The following PTH2R variants were observed in gnomAD, a reference collection of about 807,000 sequenced individuals.
PTH2R encodes parathyroid hormone 2 receptor.
In PTH2R, 59 loss-of-function variants were observed where a neutral mutation model predicts 60.3. That is an observed-to-expected ratio of 0.98 (90% confidence interval 0.79 to 1.22). The LOEUF (loss-of-function observed/expected upper bound fraction) is 1.22. Ranked by LOEUF, PTH2R falls within the 50% of genes most tolerant of loss-of-function variation. PTH2R has a pLI of 0.00. For synonymous variants in PTH2R, 256 were observed against 243.8 expected, an observed-to-expected ratio of 1.05 and a Z score of -0.47; for missense variants, 749 against 682.6, an observed-to-expected ratio of 1.10 and a Z score of -1.08.
intron 9 of PTH2R, among the ~76,000 whole-genome samples, chr2:208,469,077 G>A (rs1296873554): frequency 2.0e-5 from 3 of 152,164 alleles, no homozygotes; most frequent in Admixed American, 6.5e-5. Flanking sequence ...TAGGTCACAC[G>A]ACTAGTATGA....
chr2:208,405,937 C>T (rs115298851), upstream of PTH2R, among the ~76,000 whole-genome samples: 1 of 152,196 alleles, frequency 6.6e-6, no homozygotes, highest in Non-Finnish European at 1.5e-5. Context: ...GCACTTTGAT[C>T]TTGGACTTCC....
intron 1 of PTH2R, among the ~76,000 whole-genome samples, chr2:208,409,277 T>C (rs548301898): frequency 6.6e-5 from 10 of 152,118 alleles, no homozygotes; most frequent in Admixed American, 1.3e-4. Context: ...TTCAAAAGAG[T>C]CATATTGGGC....
At chr2:208,457,182 A>G (rs1291974076) in intron 8 of PTH2R, among the ~76,000 whole-genome samples, 3 of 152,270 alleles carry the variant, frequency 2.0e-5, no homozygotes, top group Non-Finnish European at 4.4e-5. Flanking sequence ...TTACAGTCAC[A>G]TGATATATGC....
At chr2:208,379,697 T>C (rs1266300985) in intron 1 of PTH2R, among the ~76,000 whole-genome samples, 2 of 151,870 alleles carry the variant, frequency 1.3e-5, no homozygotes, top group Non-Finnish European at 2.9e-5. Flanking sequence ...CCATCTCTAC[T>C]AAAAATACAA....
chr2:208,459,511 G>C (rs1201985525), intron 8 of PTH2R, among the ~76,000 whole-genome samples: 1 of 152,106 alleles, frequency 6.6e-6, no homozygotes, highest in African/African-American at 2.4e-5. Flanking sequence ...ATGTCTGTGA[G>C]AGAGAACTTT....
chr2:208,368,896 T>G (rs1050823057), intron 1 of PTH2R, among the ~76,000 whole-genome samples: 2 of 152,208 alleles, frequency 1.3e-5, no homozygotes, highest in African/African-American at 4.8e-5. Flanking sequence ...CTGGGTAACA[T>G]TTCAAAAATG....
chr2:208,483,633 A>G (rs189341386), intron 10 of PTH2R, among the ~76,000 whole-genome samples: 4 of 152,388 alleles, frequency 2.6e-5, no homozygotes, highest in Non-Finnish European at 5.9e-5. Context: ...ATAATCAACT[A>G]CTCAGAATTC....
At chr2:208,405,348 A>G (rs1040795277), upstream of PTH2R, among the ~76,000 whole-genome samples, 5 of 152,196 alleles carry the variant, frequency 3.3e-5, no homozygotes, top group African/African-American at 1.2e-4. Context: ...AGAAATTATA[A>G]AAGAAAAGAC....
rs769601949 is a variant in PTH2R, at chr2:208,459,911, G to A, written c.931G>A (p.Ala311Thr). 6.2e-7 allele frequency: 1 copy of A among 1,613,118 alleles called. No homozygotes were observed. The highest frequency in any genetic ancestry group is 2.2e-5 in the East Asian group (1 of 44,844). ...LADARCWELS[A>T]GDIKWIYQAP... ...ATGTCTCAGGTGCTGGGAACTTAGT[G>A]CTGGAGACATCAAGTGGATTTATCA... Residue 311 changes from alanine to threonine, a missense_variant, in exon 9 of 13, where the codon GCT (alanine) becomes ACT (threonine). Coordinates refer to ENST00000272847, the MANE Select transcript of PTH2R (RefSeq NM_005048.4).
intron 7 of PTH2R, among the ~76,000 whole-genome samples, chr2:208,447,606 A>AAAT (rs1702313869): frequency 1.4e-5 from 2 of 140,236 alleles, no homozygotes; most frequent in Non-Finnish European, 3.1e-5. Flanking sequence ...AACAAAAAGA[A>AAAT]AAATAAATAA....
chr2:208,402,119 T>C (rs1453023735), upstream of PTH2R, among the ~76,000 whole-genome samples: 1 of 152,208 alleles, frequency 6.6e-6, no homozygotes, highest in Admixed American at 6.5e-5. Context: ...CAAGGCAGTT[T>C]TCTTCCTGTT....
At chr2:208,419,678 T>G (rs1701712104) in intron 1 of PTH2R, among the ~76,000 whole-genome samples, 1 of 152,368 alleles carries the variant, frequency 6.6e-6, no homozygotes, top group African/African-American at 2.4e-5. Flanking sequence ...AAGTCTTTAA[T>G]CCATCTTGAA....
intron 1 of PTH2R, among the ~76,000 whole-genome samples, chr2:208,368,916 C>G (rs1424190707): frequency 6.6e-6 from 1 of 152,174 alleles, no homozygotes; most frequent in Non-Finnish European, 1.5e-5. Flanking sequence ...GTATTGCAAT[C>G]AAATTCTGTG....
At chr2:208,427,277 C>A (rs960946025) in intron 1 of PTH2R, among the ~76,000 whole-genome samples, 3 of 152,192 alleles carry the variant, frequency 2.0e-5, no homozygotes, top group African/African-American at 7.2e-5. Context: ...CTGACTGTTT[C>A]TAGAGAACGA....
chr2:208,489,105 G>A lies in PTH2R; in HGVS notation c.1170G>A (p.Gly390=). 1.9e-6 allele frequency: 3 copies of A among 1,614,160 alleles called. No homozygotes were observed. The highest frequency in any genetic ancestry group is 1.1e-5 in the South Asian group (1 of 91,078). The change falls in exon 11 of 13, where the codon GGG becomes GGA. Residue 390 remains glycine (G), a synonymous_variant. Coordinates refer to ENST00000272847, the MANE Select transcript of PTH2R (RefSeq NM_005048.4). ...TGCCTCACTCCTTCACTGGGCTCGG[G>A]TGGGAGATCCGCATGCACTGTGAGC... ...VCLPHSFTGL[G]WEIRMHCELF...
chr2:208,464,978 G>A (rs139402033), intron 9 of PTH2R, among the ~76,000 whole-genome samples: 25 of 151,940 alleles, frequency 1.6e-4, no homozygotes, highest in African/African-American at 5.8e-4. Flanking sequence ...GCCATTCTTT[G>A]TTTGTTTGTT....
chr2:208,452,693 C>T lies in PTH2R; in HGVS notation c.914+1884C>T, dbSNP rs542882062. The stretch of plus-strand genomic sequence containing the variant: ...ATTACCAGAACATTGGGTAATAATA[C>T]GTGATGTTGGAGGAAAGTAATAATG... On this transcript the variant is annotated intron_variant, in intron 8 of 12. Coordinates refer to ENST00000272847, the MANE Select transcript of PTH2R (RefSeq NM_005048.4). Among the ~76,000 whole-genome samples the T allele has an allele frequency of 6.6e-5, 10 of 152,184 alleles. 1 individual carries two copies. The South Asian group carries it at 1.7e-3, about 25-fold the overall frequency.
At chr2:208,463,377 T>A (rs1702670859) in intron 9 of PTH2R, among the ~76,000 whole-genome samples, 1 of 152,092 alleles carries the variant, frequency 6.6e-6, no homozygotes, top group South Asian at 2.1e-4. Context: ...AGACATCCCT[T>A]TTCTGACCAC....
In PTH2R at chr2:208,380,864, A is replaced by G. The variant is rs993426403; in HGVS notation, c.-259+20627A>G. On this transcript the variant is annotated intron_variant, in intron 1 of 12. Transcript: ENST00000617735. ...TGTCAGTAAGGAAGGTGACATGCTG[A>G]CCTCCATCTGCTACATCATTGTGTA... Among the ~76,000 whole-genome samples, 9 of 151,918 alleles carry G rather than the reference A, an allele frequency of 5.9e-5. 1 individual carries two copies. The highest frequency in any genetic ancestry group is 2.2e-4 in the African/African-American group (9 of 41,254).
Sources: gnomAD v4.1 joint callset for allele counts (sites outside exome capture counted in the v4.1 genomes callset) on GRCh38, gnomAD v4.1.1 for gene constraint, MANE v1.5 for transcripts, NCBI Gene and HGNC (gene_info 2026-07-23, HGNC 2026-07-21) for gene names.